The following ASPH variants were observed in gnomAD, a reference collection of about 807,000 sequenced individuals.
ASPH encodes aspartyl/asparaginyl beta-hydroxylase.
A neutral mutation model predicts 118.4 loss-of-function variants in ASPH; 100 were observed. That is an observed-to-expected ratio of 0.84 (90% CI 0.72 to 1.00). The LOEUF (loss-of-function observed/expected upper bound fraction) is 1.00. Ranked by LOEUF, ASPH falls within the 50% of genes least tolerant of loss-of-function variation. The pLI, the probability that ASPH is intolerant of heterozygous loss-of-function variation, is 0.00. For synonymous variants in ASPH, 315 were observed against 325.6 expected (o/e 0.97, Z 0.35); for missense variants, 920 against 919.5 (o/e 1.00, Z -0.01).
At position 61,514,959 on chromosome 8, in the gene ASPH, G is replaced by A. The variant is rs1426866613; in HGVS notation, c.2126+2569C>T. ...AGGCAGGAAGGCAGGGAGGCAGGAG[G>A]CGGGTGGACAGGGAGGGAAGGAGGG... On this transcript the variant is annotated intron_variant, in intron 24 of 24. Transcript: ENST00000379454. 2.0e-5 allele frequency among the ~76,000 whole-genome samples: 3 copies of A among 151,532 alleles called. No homozygotes were observed. In the South Asian group the frequency reaches 6.3e-4, roughly 32 times the overall value.
At chr8:61,622,834 G>A (rs1275428698) in intron 13 of ASPH, among the ~76,000 whole-genome samples, 2 of 152,174 alleles carry the variant, frequency 1.3e-5, no homozygotes, top group East Asian at 1.9e-4. Flanking sequence ...TCAGCTCCCT[G>A]ACATGTGCAC....
chr8:61,520,714 G>A (rs1812645044), intron 22 of ASPH, among the ~76,000 whole-genome samples: 1 of 152,172 alleles, frequency 6.6e-6, no homozygotes, highest in African/African-American at 2.4e-5. Context: ...TGCTTGGCAG[G>A]AGTCCCCAAT....
intron 2 of ASPH, chr8:61,682,408 G>C: frequency 1.3e-6 from 2 of 1,599,742 alleles, no homozygotes; most frequent in Admixed American, 1.7e-5. Context: ...AGTAACACAC[G>C]TAGACTTGAA....
At chr8:61,669,240 T>A (rs1821199614) in intron 3 of ASPH, among the ~76,000 whole-genome samples, 1 of 152,244 alleles carries the variant, frequency 6.6e-6, no homozygotes, top group African/African-American at 2.4e-5. Flanking sequence ...CAGTATTAGA[T>A]GTCTGTTCTA....
intron 22 of ASPH, among the ~76,000 whole-genome samples, chr8:61,522,898 A>G (rs1239355603): frequency 6.6e-6 from 1 of 152,128 alleles, no homozygotes; most frequent in Non-Finnish European, 1.5e-5. Flanking sequence ...TTTAATCTTA[A>G]CTATCTCCTT....
At chr8:61,713,834 T>C (rs1463078508) in intron 1 of ASPH, among the ~76,000 whole-genome samples, 2 of 152,178 alleles carry the variant, frequency 1.3e-5, no homozygotes, top group African/African-American at 4.8e-5. Flanking sequence ...TTCACCTCCT[T>C]TGAGTTGCTC....
chr8:61,691,106 A>T (rs2151788922), intron 1 of ASPH, among the ~76,000 whole-genome samples: 1 of 152,318 alleles, frequency 6.6e-6, no homozygotes, highest in South Asian at 2.1e-4. Flanking sequence ...TATAGAAGGG[A>T]TTCTTTCCTC....
chr8:61,606,050 T>C (rs759429088), intron 14 of ASPH, among the ~76,000 whole-genome samples: 1 of 152,220 alleles, frequency 6.6e-6, no homozygotes, highest in South Asian at 2.1e-4. Context: ...CAACAACACA[T>C]ACCCTGCTGG....
chr8:61,618,911 G>T, intron 14 of ASPH, 67 bp downstream of exon 14: 1 of 1,348,904 alleles, frequency 7.4e-7, no homozygotes, highest in Non-Finnish European at 1.0e-6. Flanking sequence ...ATTCTTGGAT[G>T]GAACATAAAA....
chr8:61,539,219 C>T (rs565677900), intron 21 of ASPH, among the ~76,000 whole-genome samples: 14 of 152,120 alleles, frequency 9.2e-5, no homozygotes, highest in Admixed American at 3.3e-4. Flanking sequence ...CCAGACTGGG[C>T]GACAGAGTGA....
At chr8:61,518,258 G>A in intron 22 of ASPH, 135 bp from the exon 23 acceptor site, 2 of 676,382 alleles carry the variant, frequency 3.0e-6, no homozygotes, top group East Asian at 2.9e-5. Flanking sequence ...AGATGAAGTA[G>A]GAATGCAAAA....
intron 3 of ASPH, among the ~76,000 whole-genome samples, chr8:61,668,032 T>C (rs1156529109): frequency 2.0e-5 from 3 of 152,186 alleles, no homozygotes; most frequent in African/African-American, 7.2e-5. Flanking sequence ...GAAAAGATAA[T>C]GACTTAAAAT....
At position 61,530,639 on chromosome 8, in the gene ASPH, T is replaced by C. The variant is rs182928617; in HGVS notation, c.1765-4527A>G. Among the ~76,000 whole-genome samples, 93 of 152,322 alleles carry C rather than the reference T, an allele frequency of 6.1e-4. 1 individual carries two copies. The Middle Eastern group carries it at 0.027, about 45-fold the overall frequency. ...TTGACTTCCTGCAGAAAGTCTTTCTTTTGAGAAGCAAACTAAAGCCTAACT... is the reference window on the plus strand; with the variant it reads ...TTGACTTCCTGCAGAAAGTCTTTCTCTTGAGAAGCAAACTAAAGCCTAACT... On this transcript the variant is annotated intron_variant, in intron 21 of 24. Coordinates refer to ENST00000379454, the MANE Select transcript of ASPH (RefSeq NM_004318.4).
chr8:61,663,779 T>G (rs992496259), intron 3 of ASPH: 7 of 976,204 alleles, frequency 7.2e-6, no homozygotes, highest in East Asian at 1.1e-4. Context: ...GGATTTCTTC[T>G]CTGTTGTATA....
chr8:61,675,977 C>A, intron 3 of ASPH: 1 of 1,544,302 alleles, frequency 6.5e-7, no homozygotes, highest in Non-Finnish European at 8.7e-7. Flanking sequence ...CACAACCACC[C>A]CACTGCACAT....
At chr8:61,622,842 C>T (rs913463040) in intron 13 of ASPH, among the ~76,000 whole-genome samples, 19 of 152,186 alleles carry the variant, frequency 1.2e-4, no homozygotes, top group Admixed American at 2.6e-4. Flanking sequence ...CTGACATGTG[C>T]ACACAGTACT....
At chr8:61,518,957 A>G (rs1051954952) in intron 22 of ASPH, among the ~76,000 whole-genome samples, 1 of 152,224 alleles carries the variant, frequency 6.6e-6, no homozygotes, top group Admixed American at 6.5e-5. Flanking sequence ...GTGATATGCA[A>G]TTTACCAGAG....
intron 18 of ASPH, among the ~76,000 whole-genome samples, chr8:61,562,504 T>C (rs1360664867): frequency 6.6e-6 from 1 of 151,960 alleles, no homozygotes; most frequent in African/African-American, 2.4e-5. Context: ...TATGAAGTTT[T>C]AAAAGAATCA....
rs139677107 is a variant in ASPH, at chr8:61,653,583, C to A, written c.400G>T (p.Val134Phe). Residue 134 changes from valine to phenylalanine, a missense_variant, in exon 4 of 25, where the codon GTT becomes TTT. Coordinates refer to ENST00000379454, the MANE Select transcript of ASPH (RefSeq NM_004318.4). ...AEPHTEPEEQ[V>F]PVEAEPQNIE... The stretch of plus-strand genomic sequence containing the variant: ...ACAAGCTTACCTGCCTCCACAGGAA[C>A]CTGCTCCTCGGGCTCAGTGTGTGGC... The A allele has an allele frequency of 6.3e-5, 102 of 1,613,766 alleles. No individual in the cohort carries two copies. The Admixed American group carries it at 8.2e-4, about 13-fold the overall frequency.
Sources: allele counts gnomAD v4.1 joint callset (sites outside exome capture counted in the v4.1 genomes callset), GRCh38; gene constraint gnomAD v4.1.1; transcripts MANE v1.5; gene names NCBI Gene and HGNC (gene_info 2026-07-23, HGNC 2026-07-21).